TXNL1: variants seen among roughly 807,000 people sequenced by gnomAD.
TXNL1 encodes the protein thioredoxin like 1.
A neutral mutation model predicts 35.5 loss-of-function variants in TXNL1; 14 were observed. The ratio of observed to expected loss-of-function variants is 0.39; its 90% CI spans 0.26 to 0.62. The LOEUF (loss-of-function observed/expected upper bound fraction) is 0.62, where lower values mean the gene tolerates loss of function less well. TXNL1 is among the 20% of genes least tolerant of loss of function. The pLI is 0.47. For missense variants in TXNL1, 263 were observed against 349.7 expected (o/e 0.75, Z 1.98); for synonymous variants, 110 against 115.5 (o/e 0.95, Z 0.31).
At chr18:56,638,121 G>A (rs1175545574) in intron 1 of TXNL1, among the ~76,000 whole-genome samples, 2 of 152,202 alleles carry the variant, frequency 1.3e-5, no homozygotes, top group African/African-American at 4.8e-5. Context: ...CTCCTGAGCT[G>A]GAGAAGCCGG....
chr18:56,602,118 C>T lies in TXNL1; in HGVS notation c.*909G>A. On this transcript the variant is annotated 3_prime_UTR_variant, in exon 8 of 8. Coordinates refer to ENST00000217515, the MANE Select transcript of TXNL1 (RefSeq NM_004786.3). ...CTCTGCCTCCCGGGTTCAGCCGATT[C>T]TTCTGTCTCAGCCTCCCAAGTAGCT... 6.6e-6 allele frequency: 1 copy of T among 152,376 alleles called. No homozygotes were observed. The highest frequency in any genetic ancestry group is 3.4e-3 in the Middle Eastern group (1 of 296). 9.4% of individuals were successfully genotyped at this position (152,376 alleles called of 1,614,324 possible). A position where few individuals can be genotyped will look rare whatever the true frequency, so the allele number is the denominator to read the frequency against.
chr18:56,613,840 G>C (rs761057482), intron 6 of TXNL1, among the ~76,000 whole-genome samples: 11 of 151,846 alleles, frequency 7.2e-5, no homozygotes, highest in Non-Finnish European at 1.3e-4. Context: ...ATATACCTTA[G>C]GTCATCTTAT....
At chr18:56,634,564 A>C (rs950904921) in intron 1 of TXNL1, among the ~76,000 whole-genome samples, 2 of 152,218 alleles carry the variant, frequency 1.3e-5, no homozygotes, top group Non-Finnish European at 2.9e-5. Context: ...TCAATGAGGA[A>C]AAGACAGTGT....
intron 1 of TXNL1, among the ~76,000 whole-genome samples, chr18:56,628,674 A>G (rs1035577914): frequency 3.3e-5 from 5 of 152,214 alleles, no homozygotes; most frequent in African/African-American, 1.2e-4. Flanking sequence ...TACTGATAGA[A>G]TAAGACTTCT....
At chr18:56,630,805 A>G (rs2024357816) in intron 1 of TXNL1, among the ~76,000 whole-genome samples, 2 of 152,252 alleles carry the variant, frequency 1.3e-5, no homozygotes, top group Non-Finnish European at 1.5e-5. Flanking sequence ...ATCAGCAGAG[A>G]AGCATAAATA....
At chr18:56,607,960 T>C (rs1175861724) in intron 7 of TXNL1, among the ~76,000 whole-genome samples, 2 of 152,222 alleles carry the variant, frequency 1.3e-5, no homozygotes, top group Non-Finnish European at 2.9e-5. Context: ...GAGTGCATTA[T>C]CAATTTTGCA....
In TXNL1 at chr18:56,602,861, A is replaced by C; in HGVS notation, c.*166T>G. 1 of 743,990 alleles carries C rather than the reference A, an allele frequency of 1.3e-6. No homozygotes were observed. The highest frequency in any genetic ancestry group is 2.9e-5 in the Admixed American group (1 of 34,306). The allele number at this position is 743,990 out of a possible 1,614,324, so 46.1% of individuals were successfully genotyped here. On this transcript the variant is annotated 3_prime_UTR_variant, in exon 8 of 8. Transcript: ENST00000217515. ...AGTGGTGACTTTTATTTACAATTGCATGTGTCAAGATTACAATGGAAACAC... is the reference window on the plus strand; with the variant it reads ...AGTGGTGACTTTTATTTACAATTGCCTGTGTCAAGATTACAATGGAAACAC...
intron 1 of TXNL1, among the ~76,000 whole-genome samples, chr18:56,636,104 A>G (rs2024450711): frequency 1.3e-5 from 2 of 152,138 alleles, no homozygotes; most frequent in Admixed American, 1.3e-4. Flanking sequence ...CAAATGGCTA[A>G]ATGGTCAATT....
rs190329876 is a variant in TXNL1, at chr18:56,598,375, C to G, written c.*4652G>C. 1 of 152,062 alleles carries G rather than the reference C, an allele frequency of 6.6e-6. No homozygotes were observed. The highest frequency in any genetic ancestry group is 1.5e-5 in the Non-Finnish European group (1 of 68,058). The allele number at this position is 152,062 out of a possible 1,614,324, so 9.4% of individuals were successfully genotyped here. On this transcript the variant is annotated 3_prime_UTR_variant, in exon 8 of 8. Coordinates refer to ENST00000217515, the MANE Select transcript of TXNL1 (RefSeq NM_004786.3). ...CAAGGTGTCATAGCAGCTGAGGAGG[C>G]GTGCACAATTGTTATGATTATTCCC...
intron 1 of TXNL1, 31 bp from the exon 2 acceptor site, chr18:56,626,488 C>T (rs2024281286): frequency 6.5e-7 from 1 of 1,547,322 alleles, no homozygotes; most frequent in African/African-American, 1.4e-5. Context: ...AGTAAAATAA[C>T]ACTAAAGATT....
chr18:56,635,808 C>T (rs974598679), intron 1 of TXNL1, among the ~76,000 whole-genome samples: 6 of 152,150 alleles, frequency 3.9e-5, no homozygotes, highest in Non-Finnish European at 8.8e-5. Flanking sequence ...GACACTAAAT[C>T]ACAGATGCTC....
chr18:56,631,623 A>G (rs2024372126), intron 1 of TXNL1, among the ~76,000 whole-genome samples: 1 of 152,220 alleles, frequency 6.6e-6, no homozygotes, highest in Admixed American at 6.5e-5. Context: ...TACAATGTAT[A>G]AAGAAATAAA....
Position 56,617,113 on chromosome 18 carries a change from A to T in TXNL1, c.493-799T>A, listed in dbSNP as rs1031889945. Reference sequence around the variant, plus strand: ...GTGAATGATACTCTCAAAGCTGAAAAACATGGTGGCTCTGGGGTTACAGCA... The same window carrying T: ...GTGAATGATACTCTCAAAGCTGAAATACATGGTGGCTCTGGGGTTACAGCA... On this transcript the variant is annotated intron_variant, in intron 4 of 7. Transcript: ENST00000217515. Among the ~76,000 whole-genome samples the T allele has an allele frequency of 3.3e-5, 5 of 152,302 alleles. No homozygotes were observed. In the South Asian group the frequency reaches 1.0e-3, roughly 32 times the overall value.
intron 1 of TXNL1, among the ~76,000 whole-genome samples, chr18:56,632,562 A>C (rs994521284): frequency 6.6e-6 from 1 of 152,252 alleles, no homozygotes; most frequent in Non-Finnish European, 1.5e-5. Flanking sequence ...AATGTCCTAC[A>C]CAGTGCCTTT....
intron 1 of TXNL1, among the ~76,000 whole-genome samples, chr18:56,629,501 C>A (rs12454817): frequency 6.6e-6 from 1 of 152,188 alleles, no homozygotes. Context: ...GCACCCCAGC[C>A]TGATACTTTG....
chr18:56,613,780 C>T (rs1273985683), intron 6 of TXNL1, among the ~76,000 whole-genome samples: 1 of 152,166 alleles, frequency 6.6e-6, no homozygotes, highest in East Asian at 1.9e-4. Flanking sequence ...CACTGTACTC[C>T]AGCCTGGACA....
intron 1 of TXNL1, among the ~76,000 whole-genome samples, chr18:56,635,319 C>G (rs2024439600): frequency 6.6e-6 from 1 of 152,052 alleles, no homozygotes; most frequent in Admixed American, 6.6e-5. Flanking sequence ...GCAATGTCCC[C>G]TAGCAGCATT....
intron 6 of TXNL1, 57 bp downstream of exon 6, chr18:56,614,367 A>G: frequency 6.7e-7 from 1 of 1,483,048 alleles, no homozygotes; most frequent in Non-Finnish European, 9.2e-7. Flanking sequence ...TAGGATACTG[A>G]AAATAGTATT....
chr18:56,617,175 A>G (rs2024101578), intron 4 of TXNL1, among the ~76,000 whole-genome samples: 1 of 152,202 alleles, frequency 6.6e-6, no homozygotes, highest in Admixed American at 6.5e-5. Flanking sequence ...TTTCAGAATC[A>G]TGTTGTGGTT....
Sources: allele counts gnomAD v4.1 joint callset (sites outside exome capture counted in the v4.1 genomes callset), GRCh38; gene constraint gnomAD v4.1.1; transcripts MANE v1.5; gene names NCBI Gene and HGNC (gene_info 2026-07-23, HGNC 2026-07-21).